SOBP: variants seen among roughly 807,000 people sequenced by gnomAD.
SOBP encodes the protein sine oculis-binding protein homolog.
A neutral mutation model predicts 53.6 loss-of-function variants in SOBP; 4 were observed. That is an observed-to-expected ratio of 0.07 (90% CI 0.04 to 0.17). The LOEUF (loss-of-function observed/expected upper bound fraction) is 0.17. SOBP is among the 10% of genes least tolerant of loss of function. The pLI is 1.00. For missense variants in SOBP, 1,088 were observed against 1,204.7 expected (o/e 0.90, Z 1.43); for synonymous variants, 584 against 522.6 (o/e 1.12, Z -1.60).
intron 6 of SOBP, among the ~76,000 whole-genome samples, chr6:107,639,564 G>A (rs846959): frequency 0.91 from 137,776 of 152,230 alleles, 62,739 homozygotes; most frequent in Non-Finnish European, 0.96. Context: ...ATATCCCCCC[G>A]AATAATAAGG....
At chr6:107,556,981 G>T (rs1784629522) in intron 4 of SOBP, among the ~76,000 whole-genome samples, 1 of 152,146 alleles carries the variant, frequency 6.6e-6, no homozygotes. Flanking sequence ...GTAATAACAA[G>T]AATATACATT....
chr6:107,633,843 T>G lies in SOBP; in HGVS notation c.999T>G (p.Ser333=), dbSNP rs1341876306. Residue 333 remains serine, a synonymous_variant, in exon 6 of 7, where the codon TCT becomes TCG. Coordinates refer to ENST00000317357, the MANE Select transcript of SOBP (RefSeq NM_018013.4). The part of the protein sequence containing the change: ...GPGPSASTTV[S]PSDTANCSVT... The stretch of plus-strand genomic sequence containing the variant: ...GCCCGTCGGCGTCCACCACCGTCTC[T>G]CCATCTGACACTGCCAACTGCTCTG... 3.7e-6 allele frequency: 6 copies of G among 1,613,864 alleles called. No homozygotes were observed. The highest frequency in any genetic ancestry group is 5.1e-6 in the Non-Finnish European group (6 of 1,179,966).
chr6:107,579,922 CAGTT>C (rs1231709488), intron 4 of SOBP, among the ~76,000 whole-genome samples: 4 of 152,316 alleles, frequency 2.6e-5, no homozygotes, highest in South Asian at 2.1e-4. Flanking sequence ...GAAAGCCTGT[CAGTT>C]AGCCAGTTAA....
chr6:107,498,745 A>G (rs971026417), intron 1 of SOBP, among the ~76,000 whole-genome samples: 2 of 152,218 alleles, frequency 1.3e-5, no homozygotes, highest in Admixed American at 6.5e-5. Context: ...AGTAAAATTT[A>G]GTTTCCACCT....
At chr6:107,644,694 G>C (rs1272935623) in intron 6 of SOBP, among the ~76,000 whole-genome samples, 2 of 152,154 alleles carry the variant, frequency 1.3e-5, no homozygotes, top group African/African-American at 4.8e-5. Context: ...AAACTTGCTT[G>C]GACATCTAAT....
intron 4 of SOBP, among the ~76,000 whole-genome samples, chr6:107,542,571 G>T (rs769140851): frequency 6.6e-6 from 1 of 152,144 alleles, no homozygotes; most frequent in Non-Finnish European, 1.5e-5. Flanking sequence ...TCAGGATCCC[G>T]TATGCAAGGG....
chr6:107,551,522 A>C (rs1784458964), intron 4 of SOBP, among the ~76,000 whole-genome samples: 1 of 152,334 alleles, frequency 6.6e-6, no homozygotes, highest in East Asian at 1.9e-4. Flanking sequence ...TCATACAATT[A>C]TGTCACAGCT....
In SOBP at chr6:107,604,484, C is replaced by T. The variant is rs534376776; in HGVS notation, c.669+17309C>T. On this transcript the variant is annotated intron_variant, in intron 5 of 6. Coordinates refer to ENST00000317357, the MANE Select transcript of SOBP (RefSeq NM_018013.4). ...TCCTGTTCTAGAGACCTGGCCACTC[C>T]TTTTATGAAGAGTGGCTCCTGCCCC... Among the ~76,000 whole-genome samples, 240 of 152,236 alleles carry T rather than the reference C, an allele frequency of 1.6e-3. 2 individuals carry two copies. Among genetic ancestry groups the T allele is most frequent in the Non-Finnish European group, 2.5e-3 (170 of 68,010 alleles).
At chr6:107,629,709 A>G (rs1770621031) in intron 5 of SOBP, among the ~76,000 whole-genome samples, 1 of 152,238 alleles carries the variant, frequency 6.6e-6, no homozygotes, top group Non-Finnish European at 1.5e-5. Flanking sequence ...GTAGGTTGCC[A>G]CACATTTATT....
chr6:107,534,333 C>A (rs757320924), intron 4 of SOBP, among the ~76,000 whole-genome samples: 13 of 152,200 alleles, frequency 8.5e-5, no homozygotes, highest in Non-Finnish European at 1.5e-4. Context: ...TTTACAATCA[C>A]ACGCACATGC....
intron 4 of SOBP, among the ~76,000 whole-genome samples, chr6:107,553,298 TTTTA>T (rs750735550): frequency 0.065 from 9,096 of 139,332 alleles, 460 homozygotes; most frequent in East Asian, 0.18. Context: ...CTTATTATTA[TTTTA>T]TTTATTTATT....
intron 6 of SOBP, among the ~76,000 whole-genome samples, chr6:107,654,053 C>G (rs1771915712): frequency 1.3e-5 from 2 of 152,198 alleles, no homozygotes; most frequent in South Asian, 4.1e-4. Context: ...AGAAAAGTGA[C>G]TCACCAGGTG....
At chr6:107,571,548 C>A (rs992413100) in intron 4 of SOBP, among the ~76,000 whole-genome samples, 2 of 152,180 alleles carry the variant, frequency 1.3e-5, no homozygotes, top group Non-Finnish European at 2.9e-5. Context: ...CACACTGGAG[C>A]TTGATTCTCA....
chr6:107,550,015 C>T (rs774958554), intron 4 of SOBP, among the ~76,000 whole-genome samples: 1 of 152,208 alleles, frequency 6.6e-6, no homozygotes, highest in Non-Finnish European at 1.5e-5. Context: ...TCCCTCCTCT[C>T]CACACCTGGA....
intron 3 of SOBP, among the ~76,000 whole-genome samples, chr6:107,522,198 A>G (rs535411906): frequency 2.0e-5 from 3 of 152,266 alleles, no homozygotes; most frequent in African/African-American, 7.2e-5. Context: ...GAAAGCAGAC[A>G]GGTGTGAGGC....
At chr6:107,546,958 A>G (rs144742527) in intron 4 of SOBP, among the ~76,000 whole-genome samples, 132 of 152,304 alleles carry the variant, frequency 8.7e-4, no homozygotes, top group Non-Finnish European at 1.2e-3. Context: ...AGTGGATGAT[A>G]TTCCTCAGGG....
rs1398932510 is a variant in SOBP at position 107,567,707 on chromosome 6, A to C, written c.574-19373A>C. ...GAATTTTGATGATACAAAATAAAAT[A>C]ATAGTACTTGAAATGCCCCCAGAAT... On this transcript the variant is annotated intron_variant, in intron 4 of 6. Coordinates refer to ENST00000317357, the MANE Select transcript of SOBP (RefSeq NM_018013.4). 2.0e-5 allele frequency among the ~76,000 whole-genome samples: 3 copies of C among 152,260 alleles called. No individual in the cohort carries two copies. In the East Asian group the frequency reaches 5.8e-4, roughly 29 times the overall value.
chr6:107,505,852 T>C (rs1258468095), intron 2 of SOBP, among the ~76,000 whole-genome samples: 1 of 152,126 alleles, frequency 6.6e-6, no homozygotes, highest in Non-Finnish European at 1.5e-5. Flanking sequence ...GCTTTCACCA[T>C]GTTGGCCAGG....
chr6:107,642,196 T>C (rs1042890463), intron 6 of SOBP, among the ~76,000 whole-genome samples: 1 of 152,086 alleles, frequency 6.6e-6, no homozygotes, highest in Admixed American at 6.5e-5. Context: ...CAGCTCTGAA[T>C]ACTAACTGCA....
Sources: gnomAD v4.1 joint callset for allele counts (sites outside exome capture counted in the v4.1 genomes callset) on GRCh38, gnomAD v4.1.1 for gene constraint, MANE v1.5 for transcripts, NCBI Gene and HGNC (gene_info 2026-07-23, HGNC 2026-07-21) for gene names.